RALYL: variants seen among roughly 807,000 people sequenced by gnomAD.
The protein encoded by RALYL is RNA-binding Raly-like protein.
Under a neutral mutation model 35.1 loss-of-function variants are expected in RALYL, and 29 were observed. The observed-to-expected ratio is 0.83, with a 90% confidence interval of 0.61 to 1.13. The LOEUF (loss-of-function observed/expected upper bound fraction) is 1.13. RALYL is among the 50% of genes most tolerant of loss of function. The pLI, the probability that RALYL is intolerant of heterozygous loss-of-function variation, is 0.00. For missense variants in RALYL, 359 were observed against 360.4 expected (o/e 1.00, Z 0.03); for synonymous variants, 120 against 127.6 (o/e 0.94, Z 0.40).
intron 4 of RALYL, among the ~76,000 whole-genome samples, chr8:84,839,131 G>A (rs994420493): frequency 2.0e-5 from 3 of 152,196 alleles, no homozygotes; most frequent in Non-Finnish European, 2.9e-5. Flanking sequence ...GCAGGACAGT[G>A]AGTGCAGCGC....
At chr8:84,628,582 G>C (rs1170109220) in intron 2 of RALYL, among the ~76,000 whole-genome samples, 1 of 152,002 alleles carries the variant, frequency 6.6e-6, no homozygotes, top group African/African-American at 2.4e-5. Flanking sequence ...TCATGTTGCA[G>C]TTAAATTCTG....
chr8:84,542,774 C>A (rs966757247), intron 2 of RALYL, among the ~76,000 whole-genome samples: 6 of 152,116 alleles, frequency 3.9e-5, no homozygotes, highest in Non-Finnish European at 8.8e-5. Flanking sequence ...CATTATCTCA[C>A]TGAATATAAT....
upstream of RALYL, chr8:84,183,065 C>T: frequency 6.5e-6 from 1 of 153,562 alleles, no homozygotes; most frequent in South Asian, 1.8e-4. Flanking sequence ...CCTGAGCTGC[C>T]CCCACAGCAC....
chr8:84,400,686 T>A (rs1056917364), intron 1 of RALYL, among the ~76,000 whole-genome samples: 18 of 152,122 alleles, frequency 1.2e-4, no homozygotes, highest in Admixed American at 1.1e-3. Context: ...GGACTTGGGA[T>A]GAAGTGCATG....
intron 1 of RALYL, among the ~76,000 whole-genome samples, chr8:84,253,330 T>C (rs1459650861): frequency 2.7e-5 from 4 of 150,688 alleles, no homozygotes; most frequent in African/African-American, 9.7e-5. Flanking sequence ...GCTGAGATTA[T>C]AGGTGTGTGC....
chr8:84,429,190 G>T (rs2046876942), intron 1 of RALYL, among the ~76,000 whole-genome samples: 1 of 152,092 alleles, frequency 6.6e-6, no homozygotes, highest in Non-Finnish European at 1.5e-5. Flanking sequence ...GTGTTGGAAT[G>T]GTAATTGGAT....
chr8:84,200,009 A>G lies in RALYL; in HGVS notation c.-24+15585A>G, dbSNP rs998376757. On this transcript the variant is annotated intron_variant, in intron 1 of 8. Transcript: ENST00000521268. ...TTAGTCAGCTATTTGGAATAGTTTG[A>G]AAATCCCAGTACTTATTATGTAATT... Among the ~76,000 whole-genome samples, 115 of 137,354 alleles carry G rather than the reference A, an allele frequency of 8.4e-4. 1 individual carries two copies. The highest frequency in any genetic ancestry group is 1.4e-3 in the Non-Finnish European group (89 of 62,514). The allele number at this position is 137,354 out of a possible 152,430, so 90.1% of individuals were successfully genotyped here. A position where few individuals can be genotyped will look rare whatever the true frequency, so the allele number is the denominator to read the frequency against.
At position 84,416,791 on chromosome 8, in the gene RALYL, G is replaced by C. The variant is rs2044756685; in HGVS notation, c.-23-112508G>C. Among the ~76,000 whole-genome samples the C allele has an allele frequency of 2.0e-5, 3 of 152,086 alleles. No individual in the cohort carries two copies. In the South Asian group the frequency reaches 6.2e-4, roughly 32 times the overall value. Reference sequence around the variant, plus strand: ...TCCTAAATGCATTCTAGTTTGGATAGTAAATCTTATGGTTAGCCTATCTAG... The same window carrying C: ...TCCTAAATGCATTCTAGTTTGGATACTAAATCTTATGGTTAGCCTATCTAG... On this transcript the variant is annotated intron_variant, in intron 1 of 8. Transcript: ENST00000521268.
chr8:84,632,488 A>G (rs1488428780), intron 2 of RALYL, among the ~76,000 whole-genome samples: 1 of 151,894 alleles, frequency 6.6e-6, no homozygotes, highest in African/African-American at 2.4e-5. Flanking sequence ...TTTTATTTGT[A>G]TCTTTGATTG....
At chr8:84,896,607 C>T (rs1199404242) in intron 8 of RALYL, among the ~76,000 whole-genome samples, 1 of 152,140 alleles carries the variant, frequency 6.6e-6, no homozygotes, top group Non-Finnish European at 1.5e-5. Context: ...AGTTCTCTCC[C>T]ATTCACACCA....
At chr8:84,399,709 C>G (rs140637893) in intron 1 of RALYL, among the ~76,000 whole-genome samples, 1,923 of 152,278 alleles carry the variant, frequency 0.013, 20 homozygotes, top group Middle Eastern at 0.041. Flanking sequence ...ATTGTAATTA[C>G]ATTGTAATCA....
intron 1 of RALYL, among the ~76,000 whole-genome samples, chr8:84,393,556 G>C (rs1861170805): frequency 6.6e-6 from 1 of 152,050 alleles, no homozygotes; most frequent in Non-Finnish European, 1.5e-5. Context: ...ATATCAGGAG[G>C]AGGAGACCAC....
chr8:84,684,066 A>C (rs961712646), intron 2 of RALYL, among the ~76,000 whole-genome samples: 1 of 152,080 alleles, frequency 6.6e-6, no homozygotes, highest in African/African-American at 2.4e-5. Context: ...GGAAGACGTA[A>C]ATAAGATCAT....
At chr8:84,315,421 A>G (rs181022025) in intron 1 of RALYL, among the ~76,000 whole-genome samples, 13 of 152,290 alleles carry the variant, frequency 8.5e-5, no homozygotes, top group Non-Finnish European at 1.5e-4. Flanking sequence ...ACATTTGTAC[A>G]TATTTGTTGA....
At chr8:84,221,286 GGTGT>G (rs34244361) in intron 1 of RALYL, among the ~76,000 whole-genome samples, 1 of 150,572 alleles carries the variant, frequency 6.6e-6, no homozygotes, top group South Asian at 2.1e-4. Flanking sequence ...ATGGAAAGCG[GGTGT>G]GTGTGTGTGT....
At chr8:84,538,955 A>C (rs2059806619) in intron 2 of RALYL, among the ~76,000 whole-genome samples, 1 of 152,214 alleles carries the variant, frequency 6.6e-6, no homozygotes, top group Non-Finnish European at 1.5e-5. Flanking sequence ...TTTGAATTTA[A>C]CTGTTACTCT....
chr8:84,617,679 A>G (rs1820123612), intron 2 of RALYL, among the ~76,000 whole-genome samples: 1 of 150,158 alleles, frequency 6.7e-6, no homozygotes, highest in Non-Finnish European at 1.5e-5. Context: ...CCAGTTTTCA[A>G]AGGGAATGCT....
At chr8:84,376,367 A>G (rs1402704298) in intron 1 of RALYL, among the ~76,000 whole-genome samples, 1 of 151,856 alleles carries the variant, frequency 6.6e-6, no homozygotes, top group Non-Finnish European at 1.5e-5. Flanking sequence ...TGAAGAAATA[A>G]AATTGTATAG....
chr8:84,766,827 C>G (rs1412911948), intron 2 of RALYL, among the ~76,000 whole-genome samples: 4 of 150,950 alleles, frequency 2.6e-5, no homozygotes, highest in African/African-American at 4.9e-5. Flanking sequence ...TACTGGAGCC[C>G]AAAGTTATGC....
Sources: allele counts gnomAD v4.1 joint callset (sites outside exome capture counted in the v4.1 genomes callset), GRCh38; gene constraint gnomAD v4.1.1; transcripts MANE v1.5; gene names NCBI Gene and HGNC (gene_info 2026-07-23, HGNC 2026-07-21).